Variants in LRRC72 observed in about 807,000 individuals in gnomAD.
The protein encoded by LRRC72 is leucine rich repeat containing 72.
LRRC72 carries 41 observed loss-of-function variants against 35.8 expected under a neutral mutation model. The observed-to-expected ratio is 1.15, with a 90% CI of 0.89 to 1.49. The LOEUF (loss-of-function observed/expected upper bound fraction) is 1.49, where lower values mean the gene tolerates loss of function less well. Ranked by LOEUF, LRRC72 falls within the 40% of genes most tolerant of loss-of-function variation. The probability of loss-of-function intolerance (pLI) is 0.00; values close to 1 mark genes in which losing one functional copy is unlikely to be tolerated. For synonymous variants in LRRC72, 118 were observed against 119.2 expected (o/e 0.99, Z 0.07); for missense variants, 389 against 330.7 (o/e 1.18, Z -1.37).
At chr7:16,571,017 C>T (rs1470308055) in intron 7 of LRRC72, among the ~76,000 whole-genome samples, 1 of 150,958 alleles carries the variant, frequency 6.6e-6, no homozygotes, top group Non-Finnish European at 1.5e-5. Flanking sequence ...AGAGAACAGG[C>T]CAGTTATACT....
chr7:16,580,451 TG>T (rs1783121099), intron 8 of LRRC72, among the ~76,000 whole-genome samples: 1 of 152,154 alleles, frequency 6.6e-6, no homozygotes, highest in Non-Finnish European at 1.5e-5. Flanking sequence ...GAGACCAGCC[TG>T]GCAAACATGG....
chr7:16,558,928 A>C lies in LRRC72; in HGVS notation c.356A>C (p.His119Pro). The C allele has an allele frequency of 1.3e-6, 2 of 1,533,730 alleles. No individual in the cohort carries two copies. The highest frequency in any genetic ancestry group is 2.4e-5 in the South Asian group (2 of 81,672). Residue 119 changes from histidine to proline, a missense_variant, in exon 5 of 9, where the codon CAC becomes CCC. Physicochemically the swap from His to Pro is moderately conservative, Grantham distance 77 (BLOSUM62 -2). Coordinates refer to ENST00000401542, the MANE Select transcript of LRRC72 (RefSeq NM_001195280.2). Reference protein sequence around the residue: ...YLPSLHILLLHHNELTNIDAT... With the variant: ...YLPSLHILLLPHNELTNIDAT... ...CCTTCATTGCATATACTCCTGCTACACCACAATGAGCTAACCAACATTGAT... is the reference window on the plus strand; with the variant it reads ...CCTTCATTGCATATACTCCTGCTACCCCACAATGAGCTAACCAACATTGAT...
intron 7 of LRRC72, among the ~76,000 whole-genome samples, chr7:16,572,324 G>A (rs2128338865): frequency 6.6e-6 from 1 of 152,242 alleles, no homozygotes; most frequent in East Asian, 1.9e-4. Flanking sequence ...GCATCATCCT[G>A]ATACCAAAAC....
chr7:16,535,870 G>T (rs564569380), intron 2 of LRRC72, among the ~76,000 whole-genome samples: 13 of 152,178 alleles, frequency 8.5e-5, no homozygotes, highest in Admixed American at 2.0e-4. Flanking sequence ...ATGTTTTCTG[G>T]TTTTTTTGTT....
At chr7:16,553,732 C>G (rs1397944377) in intron 3 of LRRC72, among the ~76,000 whole-genome samples, 1 of 152,068 alleles carries the variant, frequency 6.6e-6, no homozygotes, top group African/African-American at 2.4e-5. Context: ...TTATTTGGTC[C>G]CATATATGTG....
Position 16,557,400 on chromosome 7 carries a change from C to T in LRRC72, c.275C>T (p.Thr92Ile). 3 of 1,336,122 alleles carry T rather than the reference C, an allele frequency of 2.2e-6. No homozygotes were observed. Among genetic ancestry groups the T allele is most frequent in the Non-Finnish European group, 2.9e-6 (3 of 1,017,210 alleles). 82.8% of individuals were successfully genotyped at this position (1,336,122 alleles called of 1,614,324 possible). A position where few individuals can be genotyped will look rare whatever the true frequency, so the allele number is the denominator to read the frequency against. ...TTTCTAACTAGAAACTATTGTCTGACAGAACTATATCTAAACAACAATGCA... is the reference window on the plus strand; with the variant it reads ...TTTCTAACTAGAAACTATTGTCTGATAGAACTATATCTAAACAACAATGCA... The part of the protein sequence containing the change: ...ITFLTRNYCL[T>I]ELYLNNNAIF... Residue 92 changes from threonine (T) to isoleucine (I), a missense_variant, in exon 4 of 9, where the codon ACA (threonine) becomes ATA (isoleucine). Physicochemically the swap from Thr to Ile is moderately conservative, Grantham distance 89. Coordinates refer to ENST00000401542, the MANE Select transcript of LRRC72 (RefSeq NM_001195280.2).
intron 3 of LRRC72, among the ~76,000 whole-genome samples, chr7:16,553,891 G>C (rs913651174): frequency 6.6e-6 from 1 of 152,110 alleles, no homozygotes; most frequent in African/African-American, 2.4e-5. Flanking sequence ...TAATAATAAT[G>C]GTTAAATAAT....
intron 3 of LRRC72, among the ~76,000 whole-genome samples, chr7:16,538,781 A>G (rs1348240316): frequency 1.3e-5 from 2 of 152,172 alleles, no homozygotes; most frequent in African/African-American, 4.8e-5. Context: ...GATGGTTTTT[A>G]AAGTGGCACT....
At chr7:16,527,723 G>T (rs981829387) in intron 1 of LRRC72, among the ~76,000 whole-genome samples, 1 of 152,102 alleles carries the variant, frequency 6.6e-6, no homozygotes, top group Admixed American at 6.5e-5. Flanking sequence ...ATTAAACGAG[G>T]CCGAGAGTTC....
At chr7:16,553,126 T>G (rs542211061) in intron 3 of LRRC72, among the ~76,000 whole-genome samples, 3 of 152,318 alleles carry the variant, frequency 2.0e-5, no homozygotes, top group African/African-American at 7.2e-5. Context: ...TTAGACACCT[T>G]TTGGGGCTAT....
intron 7 of LRRC72, among the ~76,000 whole-genome samples, chr7:16,579,203 A>G (rs1482940618): frequency 3.9e-5 from 6 of 152,246 alleles, no homozygotes; most frequent in African/African-American, 1.4e-4. Flanking sequence ...GAATACGTAT[A>G]TTAAAACATC....
chr7:16,558,204 A>T (rs13227774), intron 4 of LRRC72, among the ~76,000 whole-genome samples: 35,628 of 152,138 alleles, frequency 0.23, 5,045 homozygotes, highest in African/African-American at 0.37. Flanking sequence ...TAGCATTATA[A>T]ATCTAAGTAG....
intron 7 of LRRC72, among the ~76,000 whole-genome samples, chr7:16,574,632 A>C (rs572795574): frequency 6.6e-6 from 1 of 151,942 alleles, no homozygotes; most frequent in South Asian, 2.1e-4. Flanking sequence ...GGAACATCAC[A>C]CACTGGGGCC....
In LRRC72 at chr7:16,537,683, T is replaced by C. The variant is rs1239204300; in HGVS notation, c.221T>C (p.Leu74Pro). The change falls in exon 3 of 9, where the codon CTT (leucine) becomes CCT (proline). Residue 74 changes from leucine (L) to proline (P), a missense_variant. Coordinates refer to ENST00000401542, the MANE Select transcript of LRRC72 (RefSeq NM_001195280.2). The part of the protein sequence containing the change: ...SRFKKLKYLW[L>P]HHNKLHGITF... Reference sequence around the variant, plus strand: ...TTTAAAAAATTAAAATACTTATGGCTTCATCATAACAAGGTAGTGTTTTAT... The same window carrying C: ...TTTAAAAAATTAAAATACTTATGGCCTCATCATAACAAGGTAGTGTTTTAT... The C allele has an allele frequency of 2.0e-6, 3 of 1,504,320 alleles. No homozygotes were observed. Among genetic ancestry groups the C allele is most frequent in the Admixed American group, 2.1e-5 (1 of 47,770 alleles). 93.2% of individuals were successfully genotyped at this position (1,504,320 alleles called of 1,614,324 possible).
At position 16,580,087 on chromosome 7, in the gene LRRC72, A is replaced by G. The variant is rs1783115497; in HGVS notation, c.684A>G (p.Ala228=). The G allele has an allele frequency of 2.4e-6, 1 of 421,178 alleles. No homozygotes were observed. Among genetic ancestry groups the G allele is most frequent in the Non-Finnish European group, 4.2e-6 (1 of 238,010 alleles). The allele number at this position is 421,178 out of a possible 1,614,324, so 26.1% of individuals were successfully genotyped here. ...TTTTTTTTTTAGATTTTGCATTTGCAAATAATGTAGACAAGTAAGTAATTT... is the reference window on the plus strand; with the variant it reads ...TTTTTTTTTTAGATTTTGCATTTGCGAATAATGTAGACAAGTAAGTAATTT... ...AQRVPSDFAF[A]NNVDKTVLDD... The change falls in exon 8 of 9, where the codon GCA becomes GCG. Residue 228 remains alanine (A), a synonymous_variant. Transcript: ENST00000401542.
intron 5 of LRRC72, among the ~76,000 whole-genome samples, chr7:16,560,551 G>A (rs1203745365): frequency 2.6e-5 from 4 of 152,066 alleles, no homozygotes; most frequent in African/African-American, 9.7e-5. Context: ...GAGTCACCTG[G>A]CCCCTGTCTG....
intron 3 of LRRC72, among the ~76,000 whole-genome samples, chr7:16,556,985 T>C (rs1488543412): frequency 2.0e-5 from 3 of 152,100 alleles, no homozygotes; most frequent in Non-Finnish European, 2.9e-5. Context: ...TGGCACATGA[T>C]AATATTAGGT....
At chr7:16,554,274 G>A (rs756785586) in intron 3 of LRRC72, among the ~76,000 whole-genome samples, 12 of 152,200 alleles carry the variant, frequency 7.9e-5, no homozygotes, top group Non-Finnish European at 1.3e-4. Flanking sequence ...AGGTTGCAGT[G>A]AGCAGAGATT....
intron 7 of LRRC72, among the ~76,000 whole-genome samples, chr7:16,571,687 C>T (rs965769965): frequency 1.2e-4 from 19 of 152,304 alleles, no homozygotes; most frequent in Admixed American, 7.2e-4. Flanking sequence ...TTCCCATGGT[C>T]TTCACAACCC....
Sources: gnomAD v4.1 joint callset for allele counts (sites outside exome capture counted in the v4.1 genomes callset) on GRCh38, gnomAD v4.1.1 for gene constraint, MANE v1.5 for transcripts, NCBI Gene and HGNC (gene_info 2026-07-23, HGNC 2026-07-21) for gene names.